Variants in LPXN observed in about 807,000 individuals in gnomAD.
LPXN encodes leupaxin.
A neutral mutation model predicts 45.6 loss-of-function variants in LPXN; 28 were observed. The ratio of observed to expected loss-of-function variants is 0.61; its 90% confidence interval spans 0.45 to 0.84. The LOEUF (loss-of-function observed/expected upper bound fraction) is 0.84. Among genes scored for constraint, LPXN ranks in the 40% least tolerant of loss-of-function variants. The pLI is 0.00. For synonymous variants in LPXN, 166 were observed against 169.9 expected, an observed-to-expected ratio of 0.98 and a Z score of 0.18; for missense variants, 459 against 475.0, an observed-to-expected ratio of 0.97 and a Z score of 0.31.
chr11:58,569,530 A>G (rs1210655181), intron 2 of LPXN, among the ~76,000 whole-genome samples: 1 of 151,942 alleles, frequency 6.6e-6, no homozygotes, highest in Non-Finnish European at 1.5e-5. Flanking sequence ...CGGGGACCAT[A>G]GGCACGCACC....
intron 1 of LPXN, among the ~76,000 whole-genome samples, chr11:58,571,718 T>C (rs1854707300): frequency 6.6e-6 from 1 of 151,090 alleles, no homozygotes; most frequent in Admixed American, 6.6e-5. Flanking sequence ...TACAATGAAA[T>C]AAATAATAAT....
intron 7 of LPXN, among the ~76,000 whole-genome samples, chr11:58,528,699 C>T (rs1353624911): frequency 6.6e-6 from 1 of 152,030 alleles, no homozygotes; most frequent in Non-Finnish European, 1.5e-5. Flanking sequence ...TCTCTAATAT[C>T]TAAAACAGCA....
At chr11:58,539,650 A>G (rs917491277) in intron 7 of LPXN, among the ~76,000 whole-genome samples, 2 of 152,216 alleles carry the variant, frequency 1.3e-5, no homozygotes, top group Admixed American at 6.5e-5. Context: ...TAACTCCATG[A>G]GTTCATAATG....
rs560995263 is a variant in LPXN at position 58,556,157 on chromosome 11, T to A, written c.219-1217A>T. Among the ~76,000 whole-genome samples the A allele has an allele frequency of 4.8e-3, 730 of 152,090 alleles. 4 individuals carry two copies. The highest frequency in any genetic ancestry group is 8.5e-3 in the Non-Finnish European group (578 of 67,942). On this transcript the variant is annotated intron_variant, in intron 3 of 8. Coordinates refer to ENST00000395074, the MANE Select transcript of LPXN (RefSeq NM_004811.3). ...AAAATCAGTTGAAATGTGTTTTTTT[T>A]AAAAAACATAAAAAATTTTAACAAG...
At chr11:58,565,633 T>G (rs1854506396) in intron 2 of LPXN, among the ~76,000 whole-genome samples, 1 of 152,104 alleles carries the variant, frequency 6.6e-6, no homozygotes, top group Non-Finnish European at 1.5e-5. Context: ...AAATAAAAAT[T>G]TCCTGAAATA....
At chr11:58,549,706 C>T (rs1481081799) in intron 7 of LPXN, 80 bp downstream of exon 7, 11 of 1,220,564 alleles carry the variant, frequency 9.0e-6, no homozygotes, top group African/African-American at 1.5e-5. Flanking sequence ...CCAGGACTCC[C>T]GTGACTACCA....
intron 7 of LPXN, 135 bp from the exon 8 acceptor site, chr11:58,528,326 G>A (rs1424919885): frequency 6.9e-5 from 56 of 809,464 alleles, no homozygotes; most frequent in Non-Finnish European, 9.3e-5. Flanking sequence ...AATTCAAAGG[G>A]TAGTTGTAAG....
chr11:58,576,778 T>G (rs181160151), upstream of LPXN, among the ~76,000 whole-genome samples: 4 of 152,220 alleles, frequency 2.6e-5, no homozygotes, highest in South Asian at 2.1e-4. Flanking sequence ...CACCGTAGCC[T>G]TCTTTACTTT....
At chr11:58,578,360 T>C (rs1408908624), upstream of LPXN, 1 of 221,460 alleles carries the variant, frequency 4.5e-6, no homozygotes, top group Non-Finnish European at 9.2e-6. Context: ...GTTTCCCATC[T>C]ATTTTTCCTA....
intron 7 of LPXN, among the ~76,000 whole-genome samples, chr11:58,532,189 G>A (rs901179478): frequency 3.9e-5 from 6 of 152,216 alleles, no homozygotes; most frequent in East Asian, 1.9e-4. Context: ...TCCCTGTGGC[G>A]CAGGGCTTGG....
At chr11:58,557,523 A>C (rs1200018991) in intron 3 of LPXN, among the ~76,000 whole-genome samples, 2 of 152,232 alleles carry the variant, frequency 1.3e-5, no homozygotes, top group East Asian at 3.8e-4. Flanking sequence ...TCAAATATGT[A>C]GATACACTGG....
intron 5 of LPXN, 82 bp from the exon 6 acceptor site, chr11:58,550,228 C>G: frequency 7.7e-7 from 1 of 1,302,352 alleles, no homozygotes; most frequent in Non-Finnish European, 1.1e-6. Flanking sequence ...AGGGAGCACT[C>G]TTCACATTGT....
At chr11:58,548,280 G>A (rs1022034907) in intron 7 of LPXN, among the ~76,000 whole-genome samples, 2 of 152,124 alleles carry the variant, frequency 1.3e-5, no homozygotes, top group Non-Finnish European at 1.5e-5. Context: ...ATAGACATGG[G>A]ACCCAGGAAA....
intron 7 of LPXN, among the ~76,000 whole-genome samples, chr11:58,546,809 C>T (rs1483287824): frequency 1.3e-5 from 2 of 152,100 alleles, no homozygotes; most frequent in East Asian, 3.8e-4. Context: ...TATCAAATTC[C>T]AAATTGAACT....
chr11:58,567,363 T>TA (rs1447046715), intron 2 of LPXN, among the ~76,000 whole-genome samples: 2 of 152,194 alleles, frequency 1.3e-5, no homozygotes, highest in Admixed American at 6.5e-5. Context: ...TTGAATTAGA[T>TA]AAAAAACAAA....
At chr11:58,571,381 A>G (rs570163691) in intron 1 of LPXN, among the ~76,000 whole-genome samples, 85 of 145,652 alleles carry the variant, frequency 5.8e-4, no homozygotes, top group Non-Finnish European at 9.7e-4. Context: ...AAATAAATAA[A>G]TCCTAAATGC....
At chr11:58,563,952 C>T (rs1565202220) in intron 3 of LPXN, among the ~76,000 whole-genome samples, 1 of 152,166 alleles carries the variant, frequency 6.6e-6, no homozygotes, top group African/African-American at 2.4e-5. Flanking sequence ...GCCTAGACAA[C>T]CCTTCCAGAA....
chr11:58,561,190 T>C (rs1854364287), intron 3 of LPXN, among the ~76,000 whole-genome samples: 1 of 152,194 alleles, frequency 6.6e-6, no homozygotes, highest in African/African-American at 2.4e-5. Context: ...AAATGTTCTG[T>C]CTTTCACTTA....
At chr11:58,555,266 T>C (rs921051366) in intron 3 of LPXN, among the ~76,000 whole-genome samples, 1 of 152,194 alleles carries the variant, frequency 6.6e-6, no homozygotes, top group Admixed American at 6.5e-5. Context: ...AATCTGGCCA[T>C]GTCCATTCAT....
Sources: gnomAD v4.1 joint callset for allele counts (sites outside exome capture counted in the v4.1 genomes callset) on GRCh38, gnomAD v4.1.1 for gene constraint, MANE v1.5 for transcripts, NCBI Gene and HGNC (gene_info 2026-07-23, HGNC 2026-07-21) for gene names.